PCDH9: variants seen among roughly 807,000 people sequenced by gnomAD.
The protein encoded by PCDH9 is protocadherin 9, also known as protocadherin-9.
PCDH9 carries 24 observed loss-of-function variants against 70.6 expected under a neutral mutation model. That is an observed-to-expected ratio of 0.34 (90% confidence interval 0.25 to 0.48). The LOEUF (loss-of-function observed/expected upper bound fraction) is 0.48. PCDH9 is among the 20% of genes least tolerant of loss of function. The pLI, the probability that PCDH9 is intolerant of heterozygous loss-of-function variation, is 0.99. For missense variants in PCDH9, 1,281 were observed against 1,503.6 expected (o/e 0.85, Z 2.45); for synonymous variants, 562 against 558.5 (o/e 1.01, Z -0.09).
At chr13:66,945,421 TG>T (rs1385229568) in intron 2 of PCDH9, among the ~76,000 whole-genome samples, 1 of 152,176 alleles carries the variant, frequency 6.6e-6, no homozygotes, top group Non-Finnish European at 1.5e-5. Flanking sequence ...GCCTGTCTTA[TG>T]TCAACTTAAT....
intron 2 of PCDH9, among the ~76,000 whole-genome samples, chr13:67,044,392 GAT>G (rs1349087868): frequency 2.6e-5 from 4 of 152,126 alleles, no homozygotes; most frequent in Non-Finnish European, 5.9e-5. Context: ...TTATCAAAAT[GAT>G]ACCCCAAATG....
intron 3 of PCDH9, among the ~76,000 whole-genome samples, chr13:66,790,490 T>C (rs1300328606): frequency 6.6e-6 from 1 of 152,156 alleles, no homozygotes; most frequent in Non-Finnish European, 1.5e-5. Flanking sequence ...CTTTATAAAA[T>C]TTCCTGTCTA....
intron 4 of PCDH9, among the ~76,000 whole-genome samples, chr13:66,626,674 G>A (rs1247423179): frequency 6.6e-6 from 1 of 152,122 alleles, no homozygotes; most frequent in African/African-American, 2.4e-5. Context: ...AGAAAGCTCT[G>A]TTTCCAGCAC....
intron 3 of PCDH9, among the ~76,000 whole-genome samples, chr13:66,887,654 T>C (rs79056727): frequency 0.025 from 3,826 of 152,306 alleles, 143 homozygotes; most frequent in African/African-American, 0.085. Context: ...TAATTACTAA[T>C]ATACATTCAG....
At position 66,343,632 on chromosome 13, in the gene PCDH9, T is replaced by A. The variant is rs185338534; in HGVS notation, c.3341-38604A>T. 4.7e-3 allele frequency among the ~76,000 whole-genome samples: 714 copies of A among 152,324 alleles called. 4 individuals are homozygous for A. Among genetic ancestry groups the A allele is most frequent in the Middle Eastern group, 0.01 (3 of 294 alleles). On this transcript the variant is annotated intron_variant, in intron 4 of 4. Coordinates refer to ENST00000377865, the MANE Select transcript of PCDH9 (RefSeq NM_203487.3). ...TTCTGTCCCTAGCTGGAGAAATATA[T>A]CTGCGTGTAAGCACTCACGTGACTA... is the stretch of plus-strand genomic sequence containing the variant.
chr13:66,621,646 T>C (rs2077422940), intron 4 of PCDH9, among the ~76,000 whole-genome samples: 1 of 152,204 alleles, frequency 6.6e-6, no homozygotes, highest in Non-Finnish European at 1.5e-5. Context: ...TACAGGATGA[T>C]CTGTAGGGTC....
At chr13:66,396,033 AAG>A (rs1286825347) in intron 4 of PCDH9, among the ~76,000 whole-genome samples, 1 of 152,182 alleles carries the variant, frequency 6.6e-6, no homozygotes, top group Non-Finnish European at 1.5e-5. Flanking sequence ...TATAAACAAA[AAG>A]AGTTAGAGAA....
chr13:67,203,278 T>A (rs1390284792), intron 2 of PCDH9: 1 of 152,156 alleles, frequency 6.6e-6, no homozygotes, highest in Non-Finnish European at 1.5e-5. Flanking sequence ...AATCATTTAA[T>A]TTTATCTGCA....
chr13:66,878,169 G>C (rs2081852992), intron 3 of PCDH9, among the ~76,000 whole-genome samples: 2 of 151,794 alleles, frequency 1.3e-5, no homozygotes, highest in Admixed American at 1.3e-4. Flanking sequence ...TTCATGAAGA[G>C]GTTAAATGTA....
intron 3 of PCDH9, among the ~76,000 whole-genome samples, chr13:66,737,494 C>A (rs1367956107): frequency 4.6e-5 from 7 of 152,282 alleles, no homozygotes; most frequent in African/African-American, 1.7e-4. Flanking sequence ...GGGGAGGAGC[C>A]AAGATGGCCG....
intron 3 of PCDH9, among the ~76,000 whole-genome samples, chr13:66,640,118 A>C (rs1223283439): frequency 1.3e-5 from 2 of 152,236 alleles, no homozygotes; most frequent in East Asian, 3.8e-4. Flanking sequence ...CAATTTAATT[A>C]GAAATTACAT....
chr13:66,468,189 C>T (rs994475304), intron 4 of PCDH9, among the ~76,000 whole-genome samples: 1 of 152,058 alleles, frequency 6.6e-6, no homozygotes, highest in South Asian at 2.1e-4. Context: ...GAAATACCAC[C>T]ACCATGGTAT....
chr13:67,032,354 G>C (rs1347935943), intron 2 of PCDH9, among the ~76,000 whole-genome samples: 1 of 151,700 alleles, frequency 6.6e-6, no homozygotes, highest in Non-Finnish European at 1.5e-5. Flanking sequence ...TGTAGAAATG[G>C]GGTTTCATCA....
At chr13:66,326,102 A>G (rs895320968) in intron 4 of PCDH9, among the ~76,000 whole-genome samples, 7 of 152,090 alleles carry the variant, frequency 4.6e-5, no homozygotes, top group Non-Finnish European at 1.0e-4. Context: ...GGCTTCTCAC[A>G]TTTTTAGTAG....
intron 2 of PCDH9, among the ~76,000 whole-genome samples, chr13:67,033,837 T>C (rs1478189192): frequency 6.6e-6 from 1 of 152,086 alleles, no homozygotes; most frequent in African/African-American, 2.4e-5. Flanking sequence ...CTTTGAAGGG[T>C]TGGTGCTCAC....
chr13:66,494,373 C>T (rs1160859608), intron 4 of PCDH9, among the ~76,000 whole-genome samples: 3 of 152,128 alleles, frequency 2.0e-5, no homozygotes, highest in Non-Finnish European at 4.4e-5. Flanking sequence ...ACAAGGTTTA[C>T]ACGGACAACA....
chr13:66,561,167 C>A (rs1198494515), intron 4 of PCDH9, among the ~76,000 whole-genome samples: 1 of 152,232 alleles, frequency 6.6e-6, no homozygotes, highest in African/African-American at 2.4e-5. Context: ...GAGCGGCCGG[C>A]TGGCCCCGCC....
intron 2 of PCDH9, among the ~76,000 whole-genome samples, chr13:67,166,885 C>A (rs2088132833): frequency 6.6e-6 from 1 of 151,996 alleles, no homozygotes; most frequent in Non-Finnish European, 1.5e-5. Context: ...CATTGGTAAA[C>A]TAACCGTGGA....
At chr13:66,984,284 G>A (rs2083843149) in intron 2 of PCDH9, among the ~76,000 whole-genome samples, 1 of 152,058 alleles carries the variant, frequency 6.6e-6, no homozygotes, top group Non-Finnish European at 1.5e-5. Context: ...ATCTACAAGG[G>A]TTTCCTTAAC....
Sources: allele counts gnomAD v4.1 joint callset (sites outside exome capture counted in the v4.1 genomes callset), GRCh38; gene constraint gnomAD v4.1.1; transcripts MANE v1.5; gene names NCBI Gene and HGNC (gene_info 2026-07-23, HGNC 2026-07-21).